The following DCHS2 variants were observed in gnomAD, a reference collection of about 807,000 sequenced individuals.
The protein encoded by DCHS2 is protocadherin-23.
A neutral mutation model predicts 182.4 loss-of-function variants in DCHS2; 142 were observed. The observed-to-expected ratio is 0.78, with a 90% confidence interval of 0.68 to 0.89. The LOEUF is 0.89. DCHS2 is among the 40% of genes least tolerant of loss of function. The probability of loss-of-function intolerance (pLI) is 0.00; values close to 1 mark genes in which losing one functional copy is unlikely to be tolerated. For missense variants in DCHS2, 4,319 were observed against 4,198.6 expected, an observed-to-expected ratio of 1.03 and a Z score of -0.79; for synonymous variants, 1,740 against 1,663.3, an observed-to-expected ratio of 1.05 and a Z score of -1.12.
At chr4:154,239,508 G>A (rs1731700070) in intron 18 of DCHS2, among the ~76,000 whole-genome samples, 1 of 152,076 alleles carries the variant, frequency 6.6e-6, no homozygotes, top group Admixed American at 6.6e-5. Context: ...AAAAGGTGTT[G>A]TTTTGTTTTG....
chr4:154,388,650 A>C (rs1235677002), intron 1 of DCHS2, among the ~76,000 whole-genome samples: 2 of 151,850 alleles, frequency 1.3e-5, no homozygotes, highest in East Asian at 1.9e-4. Flanking sequence ...GCACATCACC[A>C]CGGCTGTCTA....
chr4:154,360,909 A>G (rs1730088239), intron 3 of DCHS2, among the ~76,000 whole-genome samples: 1 of 152,174 alleles, frequency 6.6e-6, no homozygotes, highest in Non-Finnish European at 1.5e-5. Flanking sequence ...GCTAAGCCAC[A>G]TAAGCTTGTT....
At chr4:154,258,817 A>C (rs1314691437) in intron 15 of DCHS2, among the ~76,000 whole-genome samples, 2 of 152,220 alleles carry the variant, frequency 1.3e-5, no homozygotes, top group African/African-American at 4.8e-5. Flanking sequence ...AGTGCTGACC[A>C]CAGCCATGAC....
At chr4:154,243,651 A>G (rs1315685762) in intron 16 of DCHS2, among the ~76,000 whole-genome samples, 1 of 152,184 alleles carries the variant, frequency 6.6e-6, no homozygotes, top group Non-Finnish European at 1.5e-5. Context: ...TTTTAAAACC[A>G]AGATACTCCA....
chr4:154,481,895 G>C (rs1560783778), intron 1 of DCHS2, among the ~76,000 whole-genome samples: 1 of 152,142 alleles, frequency 6.6e-6, no homozygotes, highest in Non-Finnish European at 1.5e-5. Flanking sequence ...CCAAATGAAG[G>C]ACACCTGGAA....
Position 154,333,380 on chromosome 4 carries a change from T to C in DCHS2, c.2828A>G (p.Gln943Arg). Residue 943 changes from glutamine (Q) to arginine (R), a missense_variant, in exon 5 of 20, where the codon CAG becomes CGG. Coordinates refer to ENST00000357232, the MANE Select transcript of DCHS2 (RefSeq NM_001358235.2). ...CTGCACCGTGAGCACAACCACGGGC[T>C]GCGTCTCGTGATCCAGGGGCTTCCG... is the stretch of plus-strand genomic sequence containing the variant. ...RTRKPLDHETQPVVVLTVQAQ... is the reference protein window; with the variant it reads ...RTRKPLDHETRPVVVLTVQAQ... 1 of 1,614,154 alleles carries C rather than the reference T, an allele frequency of 6.2e-7. No individual in the cohort carries two copies. The highest frequency in any genetic ancestry group is 1.3e-5 in the African/African-American group (1 of 75,050).
chr4:154,373,781 G>C, intron 2 of DCHS2: 1 of 678,830 alleles, frequency 1.5e-6, no homozygotes. Context: ...GGGCAAGAGG[G>C]CAAGAAGGAG....
chr4:154,391,716 T>C (rs1055538061), intron 1 of DCHS2, among the ~76,000 whole-genome samples: 1 of 152,110 alleles, frequency 6.6e-6, no homozygotes, highest in African/African-American at 2.4e-5. Flanking sequence ...GGGGGTTCTG[T>C]GTGTTCCCAG....
chr4:154,347,797 A>T (rs1037506575), intron 3 of DCHS2, among the ~76,000 whole-genome samples: 1 of 151,920 alleles, frequency 6.6e-6, no homozygotes, highest in African/African-American at 2.4e-5. Context: ...AGAGCTGACC[A>T]GTGGCCAATC....
chr4:154,384,462 CACTG>C, intron 1 of DCHS2: 1 of 1,596,868 alleles, frequency 6.3e-7, no homozygotes, highest in Non-Finnish European at 8.5e-7. Context: ...TTTCAATCCA[CACTG>C]ACTGCTTGTA....
chr4:154,379,308 C>T (rs562523507), intron 1 of DCHS2, among the ~76,000 whole-genome samples: 9 of 152,276 alleles, frequency 5.9e-5, no homozygotes, highest in East Asian at 1.9e-4. Context: ...GCCCAGAAGC[C>T]GTGCTCAGCT....
intron 1 of DCHS2, among the ~76,000 whole-genome samples, chr4:154,459,101 A>T (rs529780144): frequency 1.6e-4 from 24 of 152,348 alleles, no homozygotes; most frequent in African/African-American, 5.5e-4. Flanking sequence ...TTAAAGAACT[A>T]TGAAGAATTC....
At chr4:154,295,731 G>A (rs548842485) in intron 13 of DCHS2, among the ~76,000 whole-genome samples, 16 of 152,172 alleles carry the variant, frequency 1.1e-4, no homozygotes, top group Non-Finnish European at 1.6e-4. Context: ...AATCTTTACA[G>A]TATCCCTGTG....
intron 1 of DCHS2, among the ~76,000 whole-genome samples, chr4:154,409,854 C>T (rs1732549565): frequency 6.6e-6 from 1 of 152,206 alleles, no homozygotes; most frequent in Admixed American, 6.5e-5. Flanking sequence ...GCTCTTGCCA[C>T]CACTGCCACA....
At chr4:154,452,781 G>T (rs1387693737) in intron 1 of DCHS2, among the ~76,000 whole-genome samples, 3 of 152,134 alleles carry the variant, frequency 2.0e-5, no homozygotes, top group Non-Finnish European at 4.4e-5. Context: ...GGAACAAAAT[G>T]TTGTGAGAAA....
At chr4:154,246,227 T>A (rs1375941994) in intron 16 of DCHS2, among the ~76,000 whole-genome samples, 3 of 152,208 alleles carry the variant, frequency 2.0e-5, no homozygotes, top group African/African-American at 7.2e-5. Flanking sequence ...ATTTATGTTA[T>A]TTTAAATACA....
At chr4:154,441,443 A>G (rs1184436542) in intron 1 of DCHS2, among the ~76,000 whole-genome samples, 7 of 152,216 alleles carry the variant, frequency 4.6e-5, no homozygotes, top group Non-Finnish European at 7.3e-5. Flanking sequence ...TATTTTTTAA[A>G]AGCACACAGT....
At chr4:154,466,822 G>A (rs1386517865) in intron 1 of DCHS2, among the ~76,000 whole-genome samples, 1 of 152,182 alleles carries the variant, frequency 6.6e-6, no homozygotes, top group Non-Finnish European at 1.5e-5. Context: ...AATATAGGTA[G>A]TGTATTTATA....
Position 154,236,085 on chromosome 4 carries a change from T to C in DCHS2, c.8567A>G (p.Asp2856Gly), listed in dbSNP as rs924369995. The change falls in exon 20 of 20, where the codon GAC becomes GGC. Residue 2856 changes from aspartate to glycine, a missense_variant. Transcript: ENST00000357232. ...NKYCLTVQAK[D>G]KGDATASLVV... ...TAAGGAGGCAGTTGCATCACCTTTG[T>C]CTTTGGCTTGGACTGTGAGGCAGTA... 2.5e-6 allele frequency: 4 copies of C among 1,613,808 alleles called. No homozygotes were observed. The highest frequency in any genetic ancestry group is 3.4e-6 in the Non-Finnish European group (4 of 1,179,962).
Sources: gnomAD v4.1 joint callset for allele counts (sites outside exome capture counted in the v4.1 genomes callset) on GRCh38, gnomAD v4.1.1 for gene constraint, MANE v1.5 for transcripts, NCBI Gene and HGNC (gene_info 2026-07-23, HGNC 2026-07-21) for gene names.